PMIS2: variants seen among roughly 807,000 people sequenced by gnomAD.
PMIS2 encodes the protein transmembrane protein PMIS2.
At position 35,586,560 on chromosome 19, in the gene PMIS2, C is replaced by T. The variant is rs2071780413; in HGVS notation, c.282+19C>T. 7.6e-6 allele frequency: 3 copies of T among 394,348 alleles called. No homozygotes were observed. The Admixed American group carries it at 1.3e-4, about 18-fold the overall frequency. 24.4% of individuals were successfully genotyped at this position (394,348 alleles called of 1,614,324 possible). ...TTATGAGGTAAAATAATGCCCAAGT[C>T]ATAGCCCCCGTCCTTTTTTTTTTTT... On this transcript the variant is annotated intron_variant, in intron 1 of 1. Coordinates refer to ENST00000646476, the Ensembl canonical transcript of PMIS2.
chr19:35,586,627 TG>T (rs1385775993), intron 1 of PMIS2, 86 bp downstream of exon 1: 3 of 391,024 alleles, frequency 7.7e-6, no homozygotes, highest in Middle Eastern at 6.4e-4. Context: ...TCCCCCAGGC[TG>T]GAGTGCAGTG....
At chr19:35,586,301 C>G (rs553780461) in exon 1 of PMIS2, 19 of 398,808 alleles carry the variant, frequency 4.8e-5, no homozygotes, top group Non-Finnish European at 5.7e-5. Context: ...CTGCTCCCAA[C>G]GCGCCAGCTA....
intron 1 of PMIS2, among the ~76,000 whole-genome samples, 180 bp downstream of exon 1, chr19:35,586,721 A>G (rs1439329659): frequency 1.3e-5 from 2 of 151,114 alleles, no homozygotes; most frequent in African/African-American, 4.9e-5. Flanking sequence ...CTGGGATTAC[A>G]GACATGAGCC....
At chr19:35,587,034 A>T (rs1253864415) in exon 2 of PMIS2, 3 of 398,516 alleles carry the variant, frequency 7.5e-6, no homozygotes, top group African/African-American at 2.1e-5. Flanking sequence ...ATGAAGGCCA[A>T]CCAGAACAGT....
rs1309038525 is a variant in PMIS2 at position 35,586,867 on chromosome 19, T to C, written c.283-154T>C. The C allele has an allele frequency of 2.8e-5, 11 of 397,576 alleles. No homozygotes were observed. In the South Asian group the frequency reaches 8.4e-4, roughly 30 times the overall value. 24.6% of individuals were successfully genotyped at this position (397,576 alleles called of 1,614,324 possible). On this transcript the variant is annotated intron_variant, in intron 1 of 1. Transcript: ENST00000646476. Reference sequence around the variant, plus strand: ...TGCTGGCATTACAGGCGTGAGCCACTGCACCCAGCCTACCCTGTCCTCCAT... The same window carrying C: ...TGCTGGCATTACAGGCGTGAGCCACCGCACCCAGCCTACCCTGTCCTCCAT...
At chr19:35,586,238 T>C (rs111983864) in exon 1 of PMIS2, 17 of 398,742 alleles carry the variant, frequency 4.3e-5, no homozygotes, top group African/African-American at 2.7e-4. Context: ...ACACTCGGAG[T>C]CCGTCTTTGA....
chr19:35,586,706 AG>A (rs1034890854), intron 1 of PMIS2, among the ~76,000 whole-genome samples, 165 bp downstream of exon 1: 2 of 150,926 alleles, frequency 1.3e-5, no homozygotes, highest in African/African-American at 4.9e-5. Flanking sequence ...CAGCCTCCTG[AG>A]TAGCTGGGAT....
chr19:35,587,173 G>A (rs1245995626), exon 2 of PMIS2: 3 of 398,374 alleles, frequency 7.5e-6, no homozygotes, highest in Admixed American at 8.8e-5. Context: ...CAACCCAGGG[G>A]TCCGCTCCCC....
intron 1 of PMIS2, among the ~76,000 whole-genome samples, 198 bp from the exon 2 acceptor site, chr19:35,586,778 C>T (rs1350142282): frequency 1.3e-5 from 2 of 152,030 alleles, no homozygotes; most frequent in East Asian, 1.9e-4. Context: ...CGGGGTTTCA[C>T]CATGCTGGCC....
exon 2 of PMIS2, chr19:35,587,137 C>G (rs2071783093): frequency 2.5e-6 from 1 of 398,478 alleles, no homozygotes; most frequent in African/African-American, 2.1e-5. Context: ...ATGGCTTGGT[C>G]CTATATTAAT....
chr19:35,586,303 C>A (rs929210170), exon 1 of PMIS2: 5 of 398,688 alleles, frequency 1.3e-5, no homozygotes, highest in Non-Finnish European at 1.3e-5. Flanking sequence ...GCTCCCAACG[C>A]GCCAGCTACC....
chr19:35,586,914 A>G, intron 1 of PMIS2, 62 bp from the exon 2 acceptor site: 1 of 398,438 alleles, frequency 2.5e-6, no homozygotes, highest in Non-Finnish European at 4.4e-6. Context: ...ATCTGCTCCT[A>G]TCCTGGGACC....
rs1210084392 is a variant in PMIS2, at chr19:35,586,320, G to GC, written c.68dup (p.Thr24TyrfsTer4). On this transcript the variant is annotated frameshift_variant, in exon 1 of 2. Coordinates refer to ENST00000646476, the Ensembl canonical transcript of PMIS2. LOFTEE classifies it high-confidence loss of function. ...TCCCAACGCGCCAGCTACCCCAGAC[G>GC]CCCCCCCTACCACAGGTGATCCAGG... 1.5e-5 allele frequency: 6 copies of GC among 397,882 alleles called. No individual in the cohort carries two copies. Among genetic ancestry groups the GC allele is most frequent in the South Asian group, 1.3e-4 (1 of 7,830 alleles). The allele number at this position is 397,882 out of a possible 1,614,324, so 24.6% of individuals were successfully genotyped here. A position where few individuals can be genotyped will look rare whatever the true frequency, so the allele number is the denominator to read the frequency against.
At chr19:35,587,130 G>T in exon 2 of PMIS2, 1 of 398,532 alleles carries the variant, frequency 2.5e-6, no homozygotes. Context: ...ATCATTTATG[G>T]CTTGGTCCTA....
exon 2 of PMIS2, chr19:35,587,022 C>A (rs1170473861): frequency 8.3e-5 from 33 of 398,600 alleles, no homozygotes. Flanking sequence ...CCCCTACAGA[C>A]TATGAAGGCC....
chr19:35,587,219 C>T (rs1272995086), downstream of PMIS2: 1 of 397,812 alleles, frequency 2.5e-6, no homozygotes, highest in Non-Finnish European at 4.4e-6. Flanking sequence ...CCAGCCAAGT[C>T]AGCCATCAGG....
chr19:35,586,569 C>T (rs780371931), intron 1 of PMIS2, 28 bp downstream of exon 1: 2 of 393,026 alleles, frequency 5.1e-6, no homozygotes, highest in Non-Finnish European at 8.9e-6. Flanking sequence ...TCATAGCCCC[C>T]GTCCTTTTTT....
At chr19:35,586,641 G>A in intron 1 of PMIS2, 100 bp downstream of exon 1, 1 of 391,440 alleles carries the variant, frequency 2.6e-6, no homozygotes, top group East Asian at 3.6e-5. Flanking sequence ...GTGCAGTGGT[G>A]CAATCTCGGC....
chr19:35,586,570 G>C (rs921372687), intron 1 of PMIS2, 29 bp downstream of exon 1: 11 of 385,716 alleles, frequency 2.9e-5, no homozygotes, highest in African/African-American at 1.8e-4. Context: ...CATAGCCCCC[G>C]TCCTTTTTTT....
Sources: gnomAD v4.1 joint callset for allele counts (sites outside exome capture counted in the v4.1 genomes callset) on GRCh38, gnomAD v4.1.1 for gene constraint, MANE v1.5 for transcripts, NCBI Gene and HGNC (gene_info 2026-07-23, HGNC 2026-07-21) for gene names.